ASTN2: variants seen among roughly 807,000 people sequenced by gnomAD.
The protein encoded by ASTN2 is astrotactin-2.
In ASTN2, 54 loss-of-function variants were observed where a neutral mutation model predicts 139.8. The observed-to-expected ratio is 0.39, with a 90% CI of 0.31 to 0.48. The LOEUF is 0.48. ASTN2 is among the 20% of genes least tolerant of loss of function. The pLI, the probability that ASTN2 is intolerant of heterozygous loss-of-function variation, is 0.95. For missense variants in ASTN2, 1,565 were observed against 1,725.1 expected (o/e 0.91, Z 1.64); for synonymous variants, 756 against 719.5 (o/e 1.05, Z -0.81).
chr9:116,823,685 TC>T (rs1461139449), intron 11 of ASTN2, among the ~76,000 whole-genome samples: 1 of 152,150 alleles, frequency 6.6e-6, no homozygotes, highest in Non-Finnish European at 1.5e-5. Context: ...ATAGTCTCTC[TC>T]CCCAAGATGA....
chr9:116,442,625 CAG>C, intron 20 of ASTN2, 72 bp from the exon 21 acceptor site: 1 of 1,214,154 alleles, frequency 8.2e-7, no homozygotes, highest in Non-Finnish European at 1.2e-6. Flanking sequence ...CAGGGAAGAA[CAG>C]AGAGTCATGG....
chr9:117,171,392 A>G (rs1190528452), intron 3 of ASTN2, among the ~76,000 whole-genome samples: 1 of 152,174 alleles, frequency 6.6e-6, no homozygotes, highest in African/African-American at 2.4e-5. Context: ...GGATGAATCT[A>G]TAAAATGAAA....
At chr9:117,066,462 A>G (rs953628749) in intron 5 of ASTN2, among the ~76,000 whole-genome samples, 2 of 147,388 alleles carry the variant, frequency 1.4e-5, no homozygotes. Flanking sequence ...TATTGTGAAT[A>G]ATGCTGCAAT....
At chr9:117,035,382 G>A (rs1319636540) in intron 6 of ASTN2, among the ~76,000 whole-genome samples, 1 of 152,086 alleles carries the variant, frequency 6.6e-6, no homozygotes, top group Non-Finnish European at 1.5e-5. Context: ...CCACATTTAT[G>A]TTAGGTTGTA....
At chr9:116,440,883 G>GAGA (rs1847820744) in intron 21 of ASTN2, 91 bp from the exon 22 acceptor site, 1 of 1,317,116 alleles carries the variant, frequency 7.6e-7, no homozygotes. Flanking sequence ...GCACAGTGGT[G>GAGA]AGAAAGTTTG....
chr9:117,281,576 T>C (rs975993726), intron 2 of ASTN2, among the ~76,000 whole-genome samples: 6 of 152,204 alleles, frequency 3.9e-5, no homozygotes, highest in African/African-American at 1.4e-4. Flanking sequence ...GCATTCATTT[T>C]GTGTTGCTGT....
intron 5 of ASTN2, among the ~76,000 whole-genome samples, chr9:117,077,469 C>A (rs546013540): frequency 5.8e-4 from 89 of 152,212 alleles, no homozygotes; most frequent in African/African-American, 2.1e-3. Flanking sequence ...AGGAGCTGGC[C>A]GGGTGCGGTA....
chr9:117,058,318 A>C (rs1839126536), intron 5 of ASTN2, among the ~76,000 whole-genome samples: 2 of 152,230 alleles, frequency 1.3e-5, no homozygotes, highest in African/African-American at 4.8e-5. Flanking sequence ...AGTGCAGAGA[A>C]CAAGATGGGC....
chr9:117,271,988 A>G (rs2133126327), intron 2 of ASTN2, among the ~76,000 whole-genome samples: 1 of 152,268 alleles, frequency 6.6e-6, no homozygotes, highest in African/African-American at 2.4e-5. Context: ...TCACAGCTAT[A>G]CTAGGCAGTA....
intron 12 of ASTN2, among the ~76,000 whole-genome samples, chr9:116,811,519 T>C (rs1472287181): frequency 6.6e-6 from 1 of 152,232 alleles, no homozygotes; most frequent in Non-Finnish European, 1.5e-5. Context: ...TGGTAAATTT[T>C]TGAGATTCTA....
intron 11 of ASTN2, among the ~76,000 whole-genome samples, chr9:116,826,773 C>T (rs1184936021): frequency 6.6e-6 from 1 of 152,036 alleles, no homozygotes; most frequent in Non-Finnish European, 1.5e-5. Flanking sequence ...TACTTCGGGG[C>T]CTAAAACCAG....
At chr9:116,855,227 A>C (rs1832709317) in intron 11 of ASTN2, among the ~76,000 whole-genome samples, 1 of 152,082 alleles carries the variant, frequency 6.6e-6, no homozygotes, top group Non-Finnish European at 1.5e-5. Context: ...ACACACAATA[A>C]TCTTGGAAAC....
At chr9:116,949,647 T>C (rs1325776985) in intron 10 of ASTN2, among the ~76,000 whole-genome samples, 2 of 152,194 alleles carry the variant, frequency 1.3e-5, no homozygotes, top group African/African-American at 4.8e-5. Context: ...TGACCAATTC[T>C]AGAATTTAAT....
chr9:117,236,065 G>C (rs941960291), intron 2 of ASTN2, among the ~76,000 whole-genome samples: 3 of 152,136 alleles, frequency 2.0e-5, no homozygotes, highest in African/African-American at 7.2e-5. Flanking sequence ...TGGTGACATA[G>C]GTATGTTGGG....
intron 10 of ASTN2, among the ~76,000 whole-genome samples, chr9:116,910,688 GA>G (rs112851612): frequency 5.3e-5 from 8 of 150,228 alleles, no homozygotes; most frequent in Admixed American, 4.6e-4. Flanking sequence ...CATCATAAAA[GA>G]AAAAAAAACC....
At chr9:117,352,313 T>C (rs192937375) in intron 1 of ASTN2, among the ~76,000 whole-genome samples, 149 of 152,350 alleles carry the variant, frequency 9.8e-4, no homozygotes, top group Non-Finnish European at 1.9e-3. Context: ...AGAGCAATTA[T>C]TAGTTTAATG....
In ASTN2 at chr9:116,787,157, G is replaced by A. The variant is rs141190633; in HGVS notation, c.2396+18475C>T. ...TAATACATATGCCTACCAAACTGTC[G>A]CAGCCAAGCGGAGCTAAGGAGATGG... On this transcript the variant is annotated intron_variant, in intron 13 of 22. Transcript: ENST00000313400. 1.1e-3 allele frequency among the ~76,000 whole-genome samples: 163 copies of A among 152,242 alleles called. 1 individual carries two copies. Among genetic ancestry groups the A allele is most frequent in the African/African-American group, 3.8e-3 (156 of 41,544 alleles).
chr9:117,224,955 C>T (rs1832653899), intron 2 of ASTN2, among the ~76,000 whole-genome samples: 1 of 152,166 alleles, frequency 6.6e-6, no homozygotes, highest in Non-Finnish European at 1.5e-5. Flanking sequence ...ACCCTAGTGC[C>T]CATTGAGGGT....
intron 2 of ASTN2, among the ~76,000 whole-genome samples, chr9:117,231,981 G>A (rs535473564): frequency 4.6e-5 from 7 of 152,242 alleles, no homozygotes; most frequent in African/African-American, 7.2e-5. Flanking sequence ...CCCTGCACTC[G>A]GGGAAGCAGC....
Sources: gnomAD v4.1 joint callset for allele counts (sites outside exome capture counted in the v4.1 genomes callset) on GRCh38, gnomAD v4.1.1 for gene constraint, MANE v1.5 for transcripts, NCBI Gene and HGNC (gene_info 2026-07-23, HGNC 2026-07-21) for gene names.